Variants in MYLK observed in about 807,000 individuals in gnomAD.
MYLK encodes myosin light chain kinase.
Under a neutral mutation model 203.4 loss-of-function variants are expected in MYLK, and 106 were observed. The observed-to-expected ratio is 0.52, with a 90% CI of 0.45 to 0.61. MYLK has a LOEUF of 0.61. Among genes scored for constraint, MYLK ranks in the 20% least tolerant of loss-of-function variants. The pLI is 0.00. For missense variants in MYLK, 2,072 were observed against 2,442.3 expected (o/e 0.85, Z 3.20); for synonymous variants, 867 against 959.5 (o/e 0.90, Z 1.78).
chr3:123,817,147 A>G (rs998575778), intron 3 of MYLK, among the ~76,000 whole-genome samples: 1 of 152,222 alleles, frequency 6.6e-6, no homozygotes, highest in Admixed American at 6.5e-5. Flanking sequence ...CCTCAGGGTT[A>G]TGAGGATATT....
intron 5 of MYLK, 121 bp from the exon 6 acceptor site, chr3:123,740,122 T>C: frequency 1.1e-6 from 1 of 940,682 alleles, no homozygotes; most frequent in Non-Finnish European, 1.7e-6. Flanking sequence ...TGACTGAGCA[T>C]GGGCTGTGTC....
rs1248317570 is a variant in MYLK at position 123,862,193 on chromosome 3, C to T, written c.-127+14366G>A. 2.0e-5 allele frequency among the ~76,000 whole-genome samples: 3 copies of T among 152,264 alleles called. No homozygotes were observed. In the East Asian group the frequency reaches 5.8e-4, roughly 29 times the overall value. On this transcript the variant is annotated intron_variant, in intron 2 of 33. Coordinates refer to ENST00000360304, the MANE Select transcript of MYLK (RefSeq NM_053025.4). ...TGGTCCTAGCTTCTTACTGTAACTT[C>T]ATGGCCATCTGTGCTAAAACTATGC... is the stretch of plus-strand genomic sequence containing the variant.
intron 21 of MYLK, 68 bp downstream of exon 21, chr3:123,667,069 G>T: frequency 1.4e-6 from 2 of 1,445,314 alleles, no homozygotes; most frequent in Non-Finnish European, 1.9e-6. Context: ...TGTCAGTCTA[G>T]CAAGGTAAAG....
chr3:123,818,485 G>A (rs1013019803), intron 3 of MYLK, among the ~76,000 whole-genome samples: 1 of 152,064 alleles, frequency 6.6e-6, no homozygotes, highest in African/African-American at 2.4e-5. Context: ...AGCCCAGGAG[G>A]TCGAGACAAG....
chr3:123,697,614 A>T (rs1448897426), intron 18 of MYLK, among the ~76,000 whole-genome samples: 1 of 152,186 alleles, frequency 6.6e-6, no homozygotes, highest in Non-Finnish European at 1.5e-5. Context: ...GCATTTGGCA[A>T]GGTACTTAAC....
chr3:123,741,515 T>C (rs1204121492), intron 5 of MYLK, among the ~76,000 whole-genome samples: 1 of 152,190 alleles, frequency 6.6e-6, no homozygotes, highest in Non-Finnish European at 1.5e-5. Flanking sequence ...CAACTGACAG[T>C]CAAGATGCTG....
intron 3 of MYLK, among the ~76,000 whole-genome samples, chr3:123,797,597 G>C (rs1321070571): frequency 2.0e-5 from 3 of 152,314 alleles, no homozygotes; most frequent in Admixed American, 6.5e-5. Context: ...ACCGGGTAGA[G>C]ACTTGGGATG....
At chr3:123,699,977 T>C in intron 18 of MYLK, 43 bp downstream of exon 18, 1 of 1,613,696 alleles carries the variant, frequency 6.2e-7, no homozygotes, top group Non-Finnish European at 8.5e-7. Context: ...GGAGTGGCCC[T>C]GGTACAGAGG....
chr3:123,878,029 A>C (rs188699300), intron 1 of MYLK, among the ~76,000 whole-genome samples: 2 of 152,298 alleles, frequency 1.3e-5, no homozygotes, highest in Admixed American at 1.3e-4. Flanking sequence ...ATCCCTTAGA[A>C]TCTTCTCTGA....
At chr3:123,724,561 C>T (rs1277237682) in intron 12 of MYLK, among the ~76,000 whole-genome samples, 2 of 152,066 alleles carry the variant, frequency 1.3e-5, no homozygotes, top group Non-Finnish European at 2.9e-5. Flanking sequence ...CCCAAGAACA[C>T]TACATGTAGG....
At chr3:123,671,167 T>C (rs556502289) in intron 20 of MYLK, among the ~76,000 whole-genome samples, 1 of 152,388 alleles carries the variant, frequency 6.6e-6, no homozygotes, top group East Asian at 1.9e-4. Flanking sequence ...CTTGCATAGA[T>C]ACACGTGGAA....
chr3:123,821,535 G>A (rs567472217), intron 3 of MYLK, among the ~76,000 whole-genome samples: 23 of 152,286 alleles, frequency 1.5e-4, no homozygotes, highest in African/African-American at 5.5e-4. Context: ...CCCTTGATCT[G>A]CAGGCCTCCT....
intron 2 of MYLK, among the ~76,000 whole-genome samples, chr3:123,850,321 T>C (rs1399035701): frequency 6.6e-6 from 1 of 152,358 alleles, no homozygotes; most frequent in Admixed American, 6.5e-5. Flanking sequence ...ATTGCCACAC[T>C]GTCTTCCACA....
At chr3:123,795,790 T>A (rs1215729016) in intron 3 of MYLK, among the ~76,000 whole-genome samples, 1 of 152,250 alleles carries the variant, frequency 6.6e-6, no homozygotes. Context: ...GAAGCCATAT[T>A]CCTAGATTTG....
intron 2 of MYLK, among the ~76,000 whole-genome samples, chr3:123,839,791 T>G (rs1385632042): frequency 6.6e-6 from 1 of 152,168 alleles, no homozygotes. Context: ...TAGACCATAT[T>G]CTGGGCTACT....
At chr3:123,766,965 C>A (rs1399946375) in intron 4 of MYLK, among the ~76,000 whole-genome samples, 1 of 152,180 alleles carries the variant, frequency 6.6e-6, no homozygotes, top group Admixed American at 6.5e-5. Context: ...GGGTCAGAGT[C>A]CTGGTTCAAA....
chr3:123,764,597 C>A (rs1328890329), intron 4 of MYLK, among the ~76,000 whole-genome samples: 1 of 152,170 alleles, frequency 6.6e-6, no homozygotes, highest in Non-Finnish European at 1.5e-5. Flanking sequence ...GCCCCTCTCC[C>A]TTTTGAGTAC....
chr3:123,779,213 C>T (rs1560206312), intron 4 of MYLK, among the ~76,000 whole-genome samples: 1 of 152,160 alleles, frequency 6.6e-6, no homozygotes, highest in East Asian at 1.9e-4. Context: ...GTTGTGCCTG[C>T]GCCTGAGCAG....
At chr3:123,689,073 G>T (rs967631784) in intron 19 of MYLK, among the ~76,000 whole-genome samples, 1 of 152,194 alleles carries the variant, frequency 6.6e-6, no homozygotes, top group Non-Finnish European at 1.5e-5. Flanking sequence ...GAATGACTGA[G>T]TGATGGCATG....
Sources: gnomAD v4.1 joint callset for allele counts (sites outside exome capture counted in the v4.1 genomes callset) on GRCh38, gnomAD v4.1.1 for gene constraint, MANE v1.5 for transcripts, NCBI Gene and HGNC (gene_info 2026-07-23, HGNC 2026-07-21) for gene names.